The following IMMP1L variants were observed in gnomAD, a reference collection of about 807,000 sequenced individuals.
IMMP1L encodes the protein mitochondrial inner membrane protease subunit 1.
IMMP1L carries 24 observed loss-of-function variants against 21.8 expected under a neutral mutation model. The observed-to-expected ratio is 1.10, with a 90% CI of 0.80 to 1.55. IMMP1L has a LOEUF of 1.55. Ranked by LOEUF, IMMP1L falls within the 40% of genes most tolerant of loss-of-function variation. The pLI, the probability that IMMP1L is intolerant of heterozygous loss-of-function variation, is 0.00. For missense variants in IMMP1L, 195 were observed against 200.7 expected, an observed-to-expected ratio of 0.97 and a Z score of 0.17; for synonymous variants, 46 against 62.8, an observed-to-expected ratio of 0.73 and a Z score of 1.26.
At chr11:31,482,472 A>AT (rs1240763972) in intron 1 of IMMP1L, among the ~76,000 whole-genome samples, 7 of 152,180 alleles carry the variant, frequency 4.6e-5, no homozygotes, top group African/African-American at 1.4e-4. Flanking sequence ...AAGAACTCAT[A>AT]TTTTGAATAT....
intron 1 of IMMP1L, among the ~76,000 whole-genome samples, chr11:31,464,195 T>C (rs887517655): frequency 1.3e-5 from 2 of 151,988 alleles, no homozygotes; most frequent in Non-Finnish European, 2.9e-5. Flanking sequence ...GTAAGATAGA[T>C]ATTATTACCA....
intron 1 of IMMP1L, among the ~76,000 whole-genome samples, chr11:31,468,173 C>T (rs955874410): frequency 3.3e-5 from 5 of 152,066 alleles, no homozygotes; most frequent in African/African-American, 7.2e-5. Context: ...CTATAAAAGA[C>T]ATGGGGACAA....
chr11:31,456,325 T>C lies in IMMP1L; in HGVS notation c.256A>G (p.Ile86Val), dbSNP rs763006214. Reference protein sequence around the residue: ...DPKSNICKRVIGLEGDKILTT... With the variant: ...DPKSNICKRVVGLEGDKILTT... ...AGGATTTTGTCTCCTTCCAAACCAATTACTCTTTTACAAATATTTGATTTT... is the reference window on the plus strand; with the variant it reads ...AGGATTTTGTCTCCTTCCAAACCAACTACTCTTTTACAAATATTTGATTTT... Residue 86 changes from isoleucine (I) to valine (V), a missense_variant, in exon 4 of 6, where the codon ATT becomes GTT. By Grantham distance (29) the Ile-to-Val change is conservative. Coordinates refer to ENST00000532287, the MANE Select transcript of IMMP1L (RefSeq NM_001304274.2). 1.2e-6 allele frequency: 2 copies of C among 1,608,346 alleles called. No homozygotes were observed. The highest frequency in any genetic ancestry group is 1.7e-6 in the Non-Finnish European group (2 of 1,175,188).
At chr11:31,491,060 C>T (rs547142203) in intron 1 of IMMP1L, among the ~76,000 whole-genome samples, 67 of 152,270 alleles carry the variant, frequency 4.4e-4, no homozygotes, top group African/African-American at 1.5e-3. Context: ...GTATTTTTGA[C>T]CTCCAAAATT....
intron 1 of IMMP1L, among the ~76,000 whole-genome samples, chr11:31,501,970 T>C (rs895996200): frequency 6.6e-6 from 1 of 150,800 alleles, no homozygotes; most frequent in African/African-American, 2.4e-5. Flanking sequence ...AGAGTAAGAC[T>C]GTCTCAAAAA....
chr11:31,471,824 A>T (rs530605354), intron 1 of IMMP1L, among the ~76,000 whole-genome samples: 4 of 152,224 alleles, frequency 2.6e-5, no homozygotes, highest in Admixed American at 6.5e-5. Context: ...TAGTTGCTTA[A>T]AACAACACAT....
intron 4 of IMMP1L, among the ~76,000 whole-genome samples, chr11:31,439,948 T>C (rs1953263054): frequency 1.3e-5 from 2 of 152,204 alleles, no homozygotes; most frequent in Admixed American, 6.5e-5. Context: ...CAGTCATTCA[T>C]TCCTCAGTCT....
chr11:31,475,073 G>A (rs1422131752), intron 1 of IMMP1L, among the ~76,000 whole-genome samples: 3 of 152,106 alleles, frequency 2.0e-5, no homozygotes, highest in Non-Finnish European at 2.9e-5. Flanking sequence ...TAAAGTGAAC[G>A]TTAACTTTGG....
At chr11:31,484,507 C>T (rs1237567254) in intron 1 of IMMP1L, among the ~76,000 whole-genome samples, 1 of 151,772 alleles carries the variant, frequency 6.6e-6, no homozygotes, top group South Asian at 2.1e-4. Flanking sequence ...GTTCATTTAA[C>T]GAACACGTTG....
At chr11:31,506,206 G>A (rs1270354492) in intron 1 of IMMP1L, among the ~76,000 whole-genome samples, 1 of 150,290 alleles carries the variant, frequency 6.7e-6, no homozygotes, top group Non-Finnish European at 1.5e-5. Context: ...AATTAATTAA[G>A]AACGCACCTA....
chr11:31,477,865 C>A (rs1954774759), intron 1 of IMMP1L: 1 of 152,168 alleles, frequency 6.6e-6, no homozygotes, highest in East Asian at 1.9e-4. Context: ...CCCCCTATTC[C>A]CTGTCCAATA....
At chr11:31,449,509 TTTA>T (rs1953667699) in intron 4 of IMMP1L, among the ~76,000 whole-genome samples, 1 of 152,188 alleles carries the variant, frequency 6.6e-6, no homozygotes, top group South Asian at 2.1e-4. Flanking sequence ...GTAAAACAGC[TTTA>T]TTATTGCCAT....
intron 1 of IMMP1L, among the ~76,000 whole-genome samples, chr11:31,508,495 TAAACATGATTCTAAA>T (rs1234087736): frequency 1.3e-5 from 2 of 152,170 alleles, no homozygotes; most frequent in Non-Finnish European, 2.9e-5. Context: ...GGTTTTTTCC[TAAACATGATTCTAAA>T]AAACAAGCAA....
At chr11:31,484,853 A>T (rs1184031035) in intron 1 of IMMP1L, among the ~76,000 whole-genome samples, 2 of 151,820 alleles carry the variant, frequency 1.3e-5, no homozygotes, top group Non-Finnish European at 3.0e-5. Context: ...CTCTTGGCTT[A>T]TTTTTTTCCC....
chr11:31,476,366 TA>T (rs552776005), intron 1 of IMMP1L, among the ~76,000 whole-genome samples: 245 of 152,164 alleles, frequency 1.6e-3, no homozygotes, highest in Non-Finnish European at 2.9e-3. Flanking sequence ...TGGAACCAGT[TA>T]AACCAAACCC....
intron 1 of IMMP1L, among the ~76,000 whole-genome samples, chr11:31,487,427 A>G (rs1330219256): frequency 6.6e-6 from 1 of 152,100 alleles, no homozygotes; most frequent in Non-Finnish European, 1.5e-5. Context: ...CAAAAAATAC[A>G]ATAGCTTAGC....
intron 4 of IMMP1L, among the ~76,000 whole-genome samples, chr11:31,449,894 G>A (rs1953681467): frequency 6.6e-6 from 1 of 152,058 alleles, no homozygotes; most frequent in African/African-American, 2.4e-5. Flanking sequence ...TTTGTTTCCT[G>A]TAACAATAGC....
chr11:31,464,770 G>C (rs1043182340), intron 1 of IMMP1L, among the ~76,000 whole-genome samples: 1 of 152,020 alleles, frequency 6.6e-6, no homozygotes, highest in Non-Finnish European at 1.5e-5. Flanking sequence ...CAAGAAATTA[G>C]GCAAAGAAGG....
At chr11:31,458,135 G>A (rs1333863139) in intron 3 of IMMP1L, among the ~76,000 whole-genome samples, 1 of 151,380 alleles carries the variant, frequency 6.6e-6, no homozygotes, top group Non-Finnish European at 1.5e-5. Flanking sequence ...TGGCAACATA[G>A]AAATCATAAT....
Sources: gnomAD v4.1 joint callset for allele counts (sites outside exome capture counted in the v4.1 genomes callset) on GRCh38, gnomAD v4.1.1 for gene constraint, MANE v1.5 for transcripts, NCBI Gene and HGNC (gene_info 2026-07-23, HGNC 2026-07-21) for gene names.